SLIT2: variants seen among roughly 807,000 people sequenced by gnomAD.
SLIT2 encodes slit guidance ligand 2.
SLIT2 carries 41 observed loss-of-function variants against 185.7 expected under a neutral mutation model. That is an observed-to-expected ratio of 0.22 (90% CI 0.17 to 0.29). SLIT2 has a LOEUF of 0.29. Ranked by LOEUF, SLIT2 falls within the 10% of genes least tolerant of loss-of-function variation. The pLI is 1.00. For missense variants in SLIT2, 1,571 were observed against 1,909.0 expected, an observed-to-expected ratio of 0.82 and a Z score of 3.30; for synonymous variants, 693 against 680.2, an observed-to-expected ratio of 1.02 and a Z score of -0.29.
At chr4:20,413,449 G>C (rs1727410886) in intron 4 of SLIT2, among the ~76,000 whole-genome samples, 1 of 152,028 alleles carries the variant, frequency 6.6e-6, no homozygotes, top group South Asian at 2.1e-4. Flanking sequence ...ATAGATGTCT[G>C]TTAGGTTTAG....
At chr4:20,462,727 G>A (rs762219708) in intron 4 of SLIT2, among the ~76,000 whole-genome samples, 4 of 151,988 alleles carry the variant, frequency 2.6e-5, no homozygotes, top group Non-Finnish European at 5.9e-5. Flanking sequence ...TCCTTCCTCT[G>A]AAACACATTT....
chr4:20,388,438 G>A (rs1169052263), intron 4 of SLIT2, among the ~76,000 whole-genome samples: 1 of 152,082 alleles, frequency 6.6e-6, no homozygotes, highest in African/African-American at 2.4e-5. Flanking sequence ...CAAGCTTAAA[G>A]GGAGAAGTGA....
chr4:20,332,709 T>C (rs1020836294), intron 4 of SLIT2, among the ~76,000 whole-genome samples: 5 of 152,096 alleles, frequency 3.3e-5, no homozygotes, highest in Non-Finnish European at 7.4e-5. Flanking sequence ...CTTGCTGTTT[T>C]TATTGATATT....
At chr4:20,324,758 T>C (rs1719414491) in intron 4 of SLIT2, among the ~76,000 whole-genome samples, 1 of 152,206 alleles carries the variant, frequency 6.6e-6, no homozygotes, top group African/African-American at 2.4e-5. Flanking sequence ...TGCAGTCTTA[T>C]ACAAAGGACA....
intron 4 of SLIT2, among the ~76,000 whole-genome samples, chr4:20,308,506 A>G (rs928009873): frequency 6.6e-6 from 1 of 152,208 alleles, no homozygotes; most frequent in Non-Finnish European, 1.5e-5. Context: ...AGTCAAATAC[A>G]TGAAGCTTTG....
chr4:20,498,087 TG>T (rs1194112129), intron 9 of SLIT2, among the ~76,000 whole-genome samples: 1 of 151,966 alleles, frequency 6.6e-6, no homozygotes, highest in Non-Finnish European at 1.5e-5. Context: ...GCAGGAGAAT[TG>T]CTTGAACCTG....
intron 9 of SLIT2, among the ~76,000 whole-genome samples, chr4:20,492,592 A>C (rs1577776596): frequency 6.6e-6 from 1 of 152,328 alleles, no homozygotes; most frequent in East Asian, 1.9e-4. Context: ...TTGAAAAGTA[A>C]GCACTAGGGA....
intron 4 of SLIT2, among the ~76,000 whole-genome samples, chr4:20,457,608 CA>C (rs761736676): frequency 5.9e-5 from 9 of 152,078 alleles, no homozygotes; most frequent in Non-Finnish European, 1.0e-4. Flanking sequence ...TTTATTATTT[CA>C]AAACTTTCTA....
intron 4 of SLIT2, among the ~76,000 whole-genome samples, chr4:20,356,987 G>GA (rs970689184): frequency 1.1e-4 from 16 of 151,910 alleles, no homozygotes; most frequent in Non-Finnish European, 2.1e-4. Context: ...CAAAAACTTT[G>GA]AAAAAAATAT....
In SLIT2 at chr4:20,409,257, G is replaced by A. The variant is rs185616909; in HGVS notation, c.396-58495G>A. 1.6e-4 allele frequency among the ~76,000 whole-genome samples: 24 copies of A among 152,208 alleles called. 1 individual carries two copies. In the East Asian group the frequency reaches 4.5e-3, roughly 28 times the overall value. On this transcript the variant is annotated intron_variant, in intron 4 of 36. Coordinates refer to ENST00000504154, the MANE Select transcript of SLIT2 (RefSeq NM_004787.4). ...CCTACAACAGGCCCCTGTGTGTGTT[G>A]TTCCCCACCATGTGTCCATGTGTTC...
chr4:20,274,370 AG>A (rs1713952468), intron 4 of SLIT2, among the ~76,000 whole-genome samples: 1 of 152,200 alleles, frequency 6.6e-6, no homozygotes, highest in Admixed American at 6.5e-5. Flanking sequence ...TCAAATAGAT[AG>A]GCAACAGACT....
At chr4:20,349,453 A>G (rs1006214394) in intron 4 of SLIT2, among the ~76,000 whole-genome samples, 1 of 152,142 alleles carries the variant, frequency 6.6e-6, no homozygotes, top group African/African-American at 2.4e-5. Context: ...TTCATGCAGT[A>G]GTTCCCTTTT....
chr4:20,321,872 A>T (rs2076341126), intron 4 of SLIT2, among the ~76,000 whole-genome samples: 1 of 151,996 alleles, frequency 6.6e-6, no homozygotes. Flanking sequence ...ATCTGAAGGG[A>T]CAGTGGTTCT....
intron 4 of SLIT2, among the ~76,000 whole-genome samples, chr4:20,348,957 A>G (rs1577478318): frequency 6.6e-6 from 1 of 152,180 alleles, no homozygotes; most frequent in African/African-American, 2.4e-5. Flanking sequence ...GAAGACTATG[A>G]TGTTCTAATT....
intron 3 of SLIT2, among the ~76,000 whole-genome samples, chr4:20,263,937 A>T (rs1002201771): frequency 2.6e-5 from 4 of 151,826 alleles, no homozygotes; most frequent in Non-Finnish European, 4.4e-5. Context: ...TTACATTTTT[A>T]AAAAATGTTC....
intron 18 of SLIT2, among the ~76,000 whole-genome samples, chr4:20,534,217 G>T (rs1375510670): frequency 1.3e-5 from 2 of 152,130 alleles, no homozygotes; most frequent in African/African-American, 4.8e-5. Flanking sequence ...CTCTGCAGTA[G>T]AATAATTCTA....
rs111600469 is a variant in SLIT2, at chr4:20,254,359, T to C, written c.179+365T>C. 6.6e-6 allele frequency among the ~76,000 whole-genome samples: 1 copy of C among 152,198 alleles called. No individual in the cohort carries two copies. The highest frequency in any genetic ancestry group is 1.5e-5 in the Non-Finnish European group (1 of 68,042). The stretch of plus-strand genomic sequence containing the variant: ...TCCAGAGTCCATAAACGGAGTCACC[T>C]TGCGATTGCCAGCATCCAGGTCGGT... On this transcript the variant is annotated intron_variant, in intron 1 of 36. Coordinates refer to ENST00000504154, the MANE Select transcript of SLIT2 (RefSeq NM_004787.4). This position sits in a 1 kb window ranked among gnomAD's most constrained non-coding sequence, Gnocchi z 5.1.
At chr4:20,342,679 G>A (rs1411240168) in intron 4 of SLIT2, among the ~76,000 whole-genome samples, 1 of 113,474 alleles carries the variant, frequency 8.8e-6, no homozygotes, top group African/African-American at 3.4e-5. Context: ...ATATCTTATA[G>A]TTATTTGATT....
In SLIT2 at chr4:20,415,964, TACTC is replaced by T. The variant is rs532903035; in HGVS notation, c.396-51786_396-51783del. Among the ~76,000 whole-genome samples the T allele has an allele frequency of 6.3e-3, 956 of 152,318 alleles. 9 individuals carry two copies. The highest frequency in any genetic ancestry group is 0.022 in the African/African-American group (903 of 41,574). ...TCCTCAGTTCCAAGAACATAATAGA[TACTC>T]AGTTAGTGATGACACAGTATTAGAA... On this transcript the variant is annotated intron_variant, in intron 4 of 36. Coordinates refer to ENST00000504154, the MANE Select transcript of SLIT2 (RefSeq NM_004787.4).
Sources: gnomAD v4.1 joint callset for allele counts (sites outside exome capture counted in the v4.1 genomes callset) on GRCh38, gnomAD v4.1.1 for gene constraint, Gnocchi (gnomAD v3.1) non-coding constraint, MANE v1.5 for transcripts, NCBI Gene and HGNC (gene_info 2026-07-23, HGNC 2026-07-21) for gene names.